MIB2: variants seen among roughly 807,000 people sequenced by gnomAD.
The protein encoded by MIB2 is MIB E3 ubiquitin protein ligase 2.
MIB2 carries 78 observed loss-of-function variants against 96.6 expected under a neutral mutation model. The ratio of observed to expected loss-of-function variants is 0.81; its 90% CI spans 0.67 to 0.97. The LOEUF is 0.97. MIB2 is among the 50% of genes least tolerant of loss of function. The probability of loss-of-function intolerance (pLI) is 0.00; values close to 1 mark genes in which losing one functional copy is unlikely to be tolerated. For synonymous variants in MIB2, 820 were observed against 629.5 expected (o/e 1.30, Z -4.53); for missense variants, 1,543 against 1,424.0 (o/e 1.08, Z -1.35).
rs1644441845 is a variant in MIB2 at position 1,623,449 on chromosome 1, C to G, written c.-4C>G. The G allele has an allele frequency of 5.0e-6, 8 of 1,600,590 alleles. No homozygotes were observed. Among genetic ancestry groups the G allele is most frequent in the Non-Finnish European group, 6.8e-6 (8 of 1,175,196 alleles). On this transcript the variant is annotated 5_prime_UTR_variant, in exon 3 of 20. Coordinates refer to ENST00000355826, the MANE Select transcript of MIB2 (RefSeq NM_001170687.4). ...CCCACAGGTCCCGAGCAGCCCCGCCCAACATGGACCCAGACCCCCAGGCGG... is the reference window on the plus strand; with the variant it reads ...CCCACAGGTCCCGAGCAGCCCCGCCGAACATGGACCCAGACCCCCAGGCGG...
In MIB2 at chr1:1,630,282, C is replaced by T. The variant is rs1178035501; in HGVS notation, c.2630-10C>T. On this transcript the variant is annotated splice_polypyrimidine_tract_variant and intron_variant, in intron 19 of 19. Coordinates refer to ENST00000355826, the MANE Select transcript of MIB2 (RefSeq NM_001170687.4). ...GGCCTCCCAGCTCACACCCGTCCCC[C>T]ACCCCGCAGACGGCTCTGAGGTGGC... is the stretch of plus-strand genomic sequence containing the variant. 3 of 1,461,032 alleles carry T rather than the reference C, an allele frequency of 2.1e-6. No homozygotes were observed. The highest frequency in any genetic ancestry group is 1.5e-5 in the African/African-American group (1 of 65,922). 90.5% of individuals were successfully genotyped at this position (1,461,032 alleles called of 1,614,324 possible).
chr1:1,623,539 C>A lies in MIB2; in HGVS notation c.87C>A (p.Gly29=). 1 of 1,536,894 alleles carries A rather than the reference C, an allele frequency of 6.5e-7. No individual in the cohort carries two copies. The highest frequency in any genetic ancestry group is 1.2e-5 in the South Asian group (1 of 81,250). The part of the protein sequence containing the change: ...VDWKWGQQDG[G]EGGVGTVVEL... ...GGAAGTGGGGCCAGCAGGACGGCGG[C>A]GAGGGCGGCGTGGGCACGGTGGTGG... The change falls in exon 3 of 20, where the codon GGC becomes GGA. Residue 29 remains glycine (G), a synonymous_variant. Coordinates refer to ENST00000355826, the MANE Select transcript of MIB2 (RefSeq NM_001170687.4).
At chr1:1,622,798 G>A (rs755786905) in intron 2 of MIB2, among the ~76,000 whole-genome samples, 11 of 152,214 alleles carry the variant, frequency 7.2e-5, no homozygotes, top group Non-Finnish European at 1.2e-4. Flanking sequence ...TGTCCCTGAC[G>A]TGCAGGGCCC....
Position 1,625,416 on chromosome 1 carries a change from C to A in MIB2, c.852C>A (p.Pro284=). The A allele has an allele frequency of 6.4e-7, 1 of 1,574,758 alleles. No individual in the cohort carries two copies. Among genetic ancestry groups the A allele is most frequent in the Non-Finnish European group, 8.6e-7 (1 of 1,162,364 alleles). ...AGGAAGGCCACGGCGGCTGGAACCCCAGGATGGCGGAGGTGAGCCGCCCCG... is the reference window on the plus strand; with the variant it reads ...AGGAAGGCCACGGCGGCTGGAACCCAAGGATGGCGGAGGTGAGCCGCCCCG... ...EMQEGHGGWN[P]RMAEFIGQTG... is the part of the protein sequence containing the mutation. Residue 284 remains proline (P), a synonymous_variant, in exon 7 of 20, where the codon CCC becomes CCA. Coordinates refer to ENST00000355826, the MANE Select transcript of MIB2 (RefSeq NM_001170687.4). This position sits in a 1 kb window ranked among gnomAD's most constrained non-coding sequence, Gnocchi z 5.0.
intron 2 of MIB2, 41 bp downstream of exon 2, chr1:1,616,655 G>T: frequency 2.0e-6 from 3 of 1,502,334 alleles, no homozygotes; most frequent in Non-Finnish European, 1.8e-6. Flanking sequence ...TTTGCACTTG[G>T]CTCTCCCACT....
chr1:1,629,418 C>T lies in MIB2; in HGVS notation c.2415C>T (p.Gly805=). The T allele has an allele frequency of 6.7e-7, 1 of 1,484,774 alleles. No individual in the cohort carries two copies. Among genetic ancestry groups the T allele is most frequent in the Non-Finnish European group, 8.9e-7 (1 of 1,127,258 alleles). The allele number at this position is 1,484,774 out of a possible 1,614,324, so 92.0% of individuals were successfully genotyped here. A position where few individuals can be genotyped will look rare whatever the true frequency, so the allele number is the denominator to read the frequency against. ...ERQAGGGAAP[G]PRQTLGTPNT... Reference sequence around the variant, plus strand: ...AGGCGGGCGGGGGCGCGGCCCCGGGCCCCAGGCAAACGCTCGGGACCCCCA... The same window carrying T: ...AGGCGGGCGGGGGCGCGGCCCCGGGTCCCAGGCAAACGCTCGGGACCCCCA... The change falls in exon 18 of 20, where the codon GGC becomes GGT. Residue 805 remains glycine, a synonymous_variant. Transcript: ENST00000355826.
At chr1:1,627,516 G>T in intron 12 of MIB2, 72 bp downstream of exon 12, 3 of 1,484,594 alleles carry the variant, frequency 2.0e-6, no homozygotes, top group South Asian at 2.8e-5. Context: ...GGAGGGGCCC[G>T]GCCGGCGGGG....
At chr1:1,616,463 G>A in intron 1 of MIB2, 45 bp from the exon 2 acceptor site, 1 of 1,369,318 alleles carries the variant, frequency 7.3e-7, no homozygotes, top group Non-Finnish European at 9.8e-7. Flanking sequence ...CGAGCCGCGG[G>A]TCGAGGTGCT....
rs553402367 is a variant in MIB2, at chr1:1,627,338, G to A, written c.1417G>A (p.Ala473Thr). The A allele has an allele frequency of 5.6e-6, 9 of 1,613,170 alleles. No individual in the cohort carries two copies. Among genetic ancestry groups the A allele is most frequent in the African/African-American group, 1.3e-5 (1 of 75,066 alleles). Residue 473 changes from alanine to threonine, a missense_variant, in exon 12 of 20, where the codon GCC becomes ACC. By Grantham distance (58) the Ala-to-Thr change is moderately conservative. Transcript: ENST00000355826. ...NQGRTALQVA[A>T]YLGQVELIRL... ...AGGCAGGACCGCTCTGCAAGTGGCT[G>A]CCTACCTGGGCCAGGTGGAGTTGAT...
chr1:1,619,920 G>A (rs1644100407), intron 2 of MIB2, among the ~76,000 whole-genome samples: 2 of 152,346 alleles, frequency 1.3e-5, no homozygotes, highest in East Asian at 1.9e-4. Flanking sequence ...AAAATACCGG[G>A]CATGCTGCAG....
At chr1:1,616,463 G>T (rs1279759137) in intron 1 of MIB2, 45 bp from the exon 2 acceptor site, 1 of 1,369,318 alleles carries the variant, frequency 7.3e-7, no homozygotes, top group Admixed American at 2.7e-5. Context: ...CGAGCCGCGG[G>T]TCGAGGTGCT....
In MIB2 at chr1:1,626,916, C is replaced by G. The variant is rs751438966; in HGVS notation, c.1157C>G (p.Thr386Ser). Reference sequence around the variant, plus strand: ...GTAGCAGTCGCTGGTCAGCGGTGGACCTTCAGCCCCTCCTGCCTGGTGGCC... The same window carrying G: ...GTAGCAGTCGCTGGTCAGCGGTGGAGCTTCAGCCCCTCCTGCCTGGTGGCC... ...LRVAVAGQRW[T>S]FSPSCLVAYR... Residue 386 changes from threonine (T) to serine (S), a missense_variant, in exon 10 of 20, where the codon ACC becomes AGC. Coordinates refer to ENST00000355826, the MANE Select transcript of MIB2 (RefSeq NM_001170687.4). The surrounding 1 kb of genome is among the most constrained non-coding windows in gnomAD (Gnocchi z 5.3). 3 of 1,609,364 alleles carry G rather than the reference C, an allele frequency of 1.9e-6. No individual in the cohort carries two copies. In the South Asian group the frequency reaches 3.3e-5, roughly 18 times the overall value.
rs1391258695 is a variant in MIB2, at chr1:1,626,483, G to A, written c.973-167G>A. ...ACCCAGGGCTGCCTTGGACACCTGGGGCTCTCGTCCAGCCAGAGCCTCTGG... is the reference window on the plus strand; with the variant it reads ...ACCCAGGGCTGCCTTGGACACCTGGAGCTCTCGTCCAGCCAGAGCCTCTGG... On this transcript the variant is annotated intron_variant, in intron 8 of 19. Coordinates refer to ENST00000355826, the MANE Select transcript of MIB2 (RefSeq NM_001170687.4). The surrounding 1 kb of genome is among the most constrained non-coding windows in gnomAD (Gnocchi z 5.3). The A allele has an allele frequency of 3.3e-6, 2 of 608,690 alleles. No homozygotes were observed. Among genetic ancestry groups the A allele is most frequent in the African/African-American group, 1.9e-5 (1 of 53,874 alleles). The allele number at this position is 608,690 out of a possible 1,614,324, so 37.7% of individuals were successfully genotyped here.
Position 1,616,504 on chromosome 1 carries a change from A to G in MIB2, c.-129-4A>G. 6.4e-7 allele frequency: 1 copy of G among 1,573,750 alleles called. No individual in the cohort carries two copies. Among genetic ancestry groups the G allele is most frequent in the Non-Finnish European group, 8.6e-7 (1 of 1,160,662 alleles). On this transcript the variant is annotated splice_polypyrimidine_tract_variant and splice_region_variant and intron_variant, in intron 1 of 19. Transcript: ENST00000355826. ...TGCATCTTGGCATCTCCCCTCGGCC[A>G]CAGGGTTGGAAGCCCAGCGAGGCTA...
At chr1:1,622,630 T>C (rs1485252813) in intron 2 of MIB2, among the ~76,000 whole-genome samples, 1 of 152,234 alleles carries the variant, frequency 6.6e-6, no homozygotes, top group Non-Finnish European at 1.5e-5. Context: ...AGTGGGTCCC[T>C]GCTTGGTTGG....
rs373493667 is a variant in MIB2 at position 1,626,738 on chromosome 1, C to T, written c.1061C>T (p.Thr354Met). The change falls in exon 9 of 20, where the codon ACG (threonine) becomes ATG (methionine). Residue 354 changes from threonine (T) to methionine (M), a missense_variant. Thr to Met is a moderately conservative substitution (Grantham distance 81). Transcript: ENST00000355826. This position sits in a 1 kb window ranked among gnomAD's most constrained non-coding sequence, Gnocchi z 5.3. ...KRLQAGHGEW[T>M]DDMAPALGRV... is the part of the protein sequence containing the mutation. ...CTGCAGGCTGGGCATGGCGAGTGGA[C>T]GGACGACATGGCCCCTGTGAGTCCC... 27 of 1,595,368 alleles carry T rather than the reference C, an allele frequency of 1.7e-5. No individual in the cohort carries two copies. Among genetic ancestry groups the T allele is most frequent in the African/African-American group, 1.3e-5 (1 of 74,676 alleles).
At chr1:1,627,944 G>A (rs776020294) in intron 13 of MIB2, 75 bp from the exon 14 acceptor site, 1 of 1,605,002 alleles carries the variant, frequency 6.2e-7, no homozygotes, top group Non-Finnish European at 8.5e-7. Flanking sequence ...GCCCGTGAGT[G>A]CTGCTCCCTG....
chr1:1,620,661 G>A (rs1470317080), intron 2 of MIB2, among the ~76,000 whole-genome samples: 2 of 152,262 alleles, frequency 1.3e-5, no homozygotes, highest in Admixed American at 1.3e-4. Context: ...TGTGGCGAAG[G>A]TCCCTGTGTA....
At position 1,616,568 on chromosome 1, in the gene MIB2, C is replaced by G. The variant is rs138429382; in HGVS notation, c.-69C>G. 1,545 of 1,604,290 alleles carry G rather than the reference C, an allele frequency of 9.6e-4. 16 individuals are homozygous for G. The African/African-American group carries it at 0.018, about 18-fold the overall frequency. ...AAGTTTCCAGGCATCAGGGCTGCAG[C>G]CCAGGAGCCTCAAGGCGGCCCGGCG... On this transcript the variant is annotated 5_prime_UTR_variant, in exon 2 of 20. Coordinates refer to ENST00000355826, the MANE Select transcript of MIB2 (RefSeq NM_001170687.4).
Sources: gnomAD v4.1 joint callset for allele counts (sites outside exome capture counted in the v4.1 genomes callset) on GRCh38, gnomAD v4.1.1 for gene constraint, Gnocchi (gnomAD v3.1) non-coding constraint, MANE v1.5 for transcripts, NCBI Gene and HGNC (gene_info 2026-07-23, HGNC 2026-07-21) for gene names.